RBFOX1: variants seen among roughly 807,000 people sequenced by gnomAD.
RBFOX1 encodes RNA binding protein fox-1 homolog 1.
A neutral mutation model predicts 57.7 loss-of-function variants in RBFOX1; 8 were observed. The ratio of observed to expected loss-of-function variants is 0.14; its 90% CI spans 0.08 to 0.25. The LOEUF (loss-of-function observed/expected upper bound fraction) is 0.25, where lower values mean the gene tolerates loss of function less well. Among genes scored for constraint, RBFOX1 ranks in the 10% least tolerant of loss-of-function variants. RBFOX1 has a pLI of 1.00. For synonymous variants in RBFOX1, 326 were observed against 222.4 expected, an observed-to-expected ratio of 1.47 and a Z score of -4.15; for missense variants, 611 against 548.5, an observed-to-expected ratio of 1.11 and a Z score of -1.14.
At chr16:7,103,462 A>C (rs1040992657) in intron 4 of RBFOX1, among the ~76,000 whole-genome samples, 1 of 152,202 alleles carries the variant, frequency 6.6e-6, no homozygotes, top group Non-Finnish European at 1.5e-5. Context: ...TGCTGAATTT[A>C]GAAATACAGT....
At chr16:6,475,974 G>C (rs189501152) in intron 2 of RBFOX1, among the ~76,000 whole-genome samples, 37 of 152,184 alleles carry the variant, frequency 2.4e-4, no homozygotes, top group African/African-American at 7.9e-4. Context: ...TTAGATGCTG[G>C]AGTTTTCCAG....
chr16:7,216,790 G>C (rs1296770132), intron 4 of RBFOX1, among the ~76,000 whole-genome samples: 1 of 152,132 alleles, frequency 6.6e-6, no homozygotes, highest in Non-Finnish European at 1.5e-5. Context: ...AAAATTCTTA[G>C]GGTAGCAGTT....
intron 3 of RBFOX1, among the ~76,000 whole-genome samples, chr16:6,972,837 C>G (rs1156336369): frequency 6.6e-6 from 1 of 152,018 alleles, no homozygotes; most frequent in East Asian, 1.9e-4. Context: ...AAACCAGAGA[C>G]AAGGGGCCGG....
intron 2 of RBFOX1, among the ~76,000 whole-genome samples, chr16:6,522,467 C>G (rs1286941997): frequency 1.3e-5 from 2 of 152,052 alleles, no homozygotes; most frequent in African/African-American, 4.8e-5. Flanking sequence ...AAGACATCAA[C>G]TTCAGTCAAT....
rs528408078 is a variant in RBFOX1, at chr16:6,336,693, T to TG, written c.-64+19643dup. ...AAAGCCATAAGATTCTGTAAAGAGGTGGGGGGGAAATTGGATGAGATGATA... is the reference window on the plus strand; with the variant it reads ...AAAGCCATAAGATTCTGTAAAGAGGTGGGGGGGGAAATTGGATGAGATGATA... On this transcript the variant is annotated intron_variant, in intron 2 of 15. Coordinates refer to ENST00000550418, the MANE Select transcript of RBFOX1 (RefSeq NM_018723.4). Among the ~76,000 whole-genome samples the TG allele has an allele frequency of 8.0e-4, 121 of 151,638 alleles. 1 individual carries two copies. The highest frequency in any genetic ancestry group is 2.4e-3 in the African/African-American group (98 of 41,294).
chr16:6,512,106 C>T (rs962974777), intron 2 of RBFOX1, among the ~76,000 whole-genome samples: 2 of 148,444 alleles, frequency 1.3e-5, no homozygotes, highest in Admixed American at 6.7e-5. Flanking sequence ...CCTCTCTTCT[C>T]TACAAATAAA....
intron 4 of RBFOX1, among the ~76,000 whole-genome samples, chr16:7,069,388 C>A (rs2056848764): frequency 6.6e-6 from 1 of 152,018 alleles, no homozygotes; most frequent in African/African-American, 2.4e-5. Flanking sequence ...TGTGTGGTTC[C>A]CCTTCATGTT....
intron 4 of RBFOX1, among the ~76,000 whole-genome samples, chr16:7,512,648 G>A (rs1600515124): frequency 6.6e-6 from 1 of 152,172 alleles, no homozygotes; most frequent in South Asian, 2.1e-4. Flanking sequence ...AGAGCATGGT[G>A]CTCTGTGTTT....
intron 2 of RBFOX1, among the ~76,000 whole-genome samples, chr16:6,324,337 A>G (rs894041265): frequency 1.3e-5 from 2 of 152,164 alleles, no homozygotes; most frequent in Admixed American, 6.5e-5. Flanking sequence ...TCACATTGCT[A>G]TAAAGAGATA....
At chr16:7,063,581 T>C (rs780558865) in intron 4 of RBFOX1, among the ~76,000 whole-genome samples, 7 of 152,208 alleles carry the variant, frequency 4.6e-5, no homozygotes, top group Non-Finnish European at 7.3e-5. Context: ...AATAGTACTT[T>C]TCAAATTTAG....
chr16:6,110,195 C>CTTTTTTTTT (rs3049169), intron 1 of RBFOX1, among the ~76,000 whole-genome samples: 1 of 128,260 alleles, frequency 7.8e-6, no homozygotes, highest in African/African-American at 2.9e-5. Flanking sequence ...TTTTCTTCTT[C>CTTTTTTTTT]TTTTTTTTTT....
chr16:6,958,689 C>G (rs1192021940), intron 3 of RBFOX1, among the ~76,000 whole-genome samples: 1 of 152,168 alleles, frequency 6.6e-6, no homozygotes, highest in Non-Finnish European at 1.5e-5. Context: ...ATTGGGGTCA[C>G]ATGCTAATGA....
chr16:6,724,581 C>T (rs556377803), intron 3 of RBFOX1, among the ~76,000 whole-genome samples: 154 of 152,180 alleles, frequency 1.0e-3, no homozygotes, highest in East Asian at 1.4e-3. Context: ...TTGGACTTCC[C>T]GGCCTCCAGA....
In RBFOX1 at chr16:5,946,521, C is replaced by A. The variant is rs774585780; in HGVS notation, c.351+79186C>A. ...GGTGCCTGGAGAGGACATGGAAGTT[C>A]TACGCCCTTCCCCGTATCTCACTCT... On this transcript the variant is annotated intron_variant, in intron 4 of 19. Coordinates refer to the RBFOX1 transcript ENST00000641259. The surrounding 1 kb of genome is among the most constrained non-coding windows in gnomAD (Gnocchi z 4.6). Among the ~76,000 whole-genome samples the A allele has an allele frequency of 1.3e-5, 2 of 151,846 alleles. No individual in the cohort carries two copies. The highest frequency in any genetic ancestry group is 2.1e-4 in the South Asian group (1 of 4,768).
At chr16:6,908,936 A>G (rs577990427) in intron 3 of RBFOX1, among the ~76,000 whole-genome samples, 1 of 152,240 alleles carries the variant, frequency 6.6e-6, no homozygotes, top group South Asian at 2.1e-4. Flanking sequence ...ATAATTTGGC[A>G]TAATCTGTGC....
intron 3 of RBFOX1, among the ~76,000 whole-genome samples, chr16:6,736,977 G>A (rs1006079854): frequency 7.9e-5 from 12 of 152,156 alleles, no homozygotes; most frequent in African/African-American, 2.7e-4. Flanking sequence ...TGTGTGCCCT[G>A]TATTCGCCAC....
At chr16:6,018,592 C>T (rs1818217473), upstream of RBFOX1, among the ~76,000 whole-genome samples, 1 of 152,142 alleles carries the variant, frequency 6.6e-6, no homozygotes, top group African/African-American at 2.4e-5. Context: ...GCACCCACCC[C>T]AGCCCTGCAT....
chr16:6,681,465 C>T (rs376426774), intron 3 of RBFOX1, among the ~76,000 whole-genome samples: 12 of 152,146 alleles, frequency 7.9e-5, no homozygotes, highest in East Asian at 5.8e-4. Flanking sequence ...GAAGTATAAC[C>T]AGATTTAGCA....
At chr16:6,554,354 A>G (rs1403668255) in intron 2 of RBFOX1, among the ~76,000 whole-genome samples, 2 of 152,166 alleles carry the variant, frequency 1.3e-5, no homozygotes, top group African/African-American at 2.4e-5. Flanking sequence ...GTCTATAGAG[A>G]TGCGAAGTAG....
Sources: gnomAD v4.1 joint callset for allele counts (sites outside exome capture counted in the v4.1 genomes callset) on GRCh38, gnomAD v4.1.1 for gene constraint, Gnocchi (gnomAD v3.1) non-coding constraint, MANE v1.5 for transcripts, NCBI Gene and HGNC (gene_info 2026-07-23, HGNC 2026-07-21) for gene names.